CSRNP3: variants seen among roughly 807,000 people sequenced by gnomAD.
CSRNP3 encodes cysteine/serine-rich nuclear protein 3.
A neutral mutation model predicts 48.0 loss-of-function variants in CSRNP3; 12 were observed. That is an observed-to-expected ratio of 0.25 (90% CI 0.16 to 0.41). The LOEUF (loss-of-function observed/expected upper bound fraction) is 0.41, where lower values mean the gene tolerates loss of function less well. Ranked by LOEUF, CSRNP3 falls within the 10% of genes least tolerant of loss-of-function variation. CSRNP3 has a pLI of 1.00. For synonymous variants in CSRNP3, 263 were observed against 269.7 expected (o/e 0.98, Z 0.24); for missense variants, 580 against 724.4 (o/e 0.80, Z 2.29).
In CSRNP3 at chr2:165,679,621, G is replaced by T. The variant is rs1330375207; in HGVS notation, c.1626G>T (p.Gly542=). The change falls in exon 7 of 7, where the codon GGG becomes GGT. Residue 542 remains glycine (G), a synonymous_variant. Coordinates refer to ENST00000651982, the MANE Select transcript of CSRNP3 (RefSeq NM_001172173.2). The stretch of plus-strand genomic sequence containing the variant: ...ACTTGAAAGGCCCCTCCCAAGAAGG[G>T]TTTGTCTCTGCATTGAATGGTGACA... ...HSYLKGPSQE[G]FVSALNGDSH... 1.2e-6 allele frequency: 2 copies of T among 1,614,128 alleles called. No individual in the cohort carries two copies. Among genetic ancestry groups the T allele is most frequent in the Non-Finnish European group, 1.7e-6 (2 of 1,180,014 alleles).
intron 1 of CSRNP3, among the ~76,000 whole-genome samples, chr2:165,485,305 A>G (rs1684098186): frequency 6.6e-6 from 1 of 152,216 alleles, no homozygotes; most frequent in Non-Finnish European, 1.5e-5. Context: ...CCTTGACAGA[A>G]ATTATTTACA....
chr2:165,537,260 G>A (rs989372744), intron 3 of CSRNP3, among the ~76,000 whole-genome samples: 3 of 151,246 alleles, frequency 2.0e-5, no homozygotes, highest in Admixed American at 6.6e-5. Flanking sequence ...AAGGGTGAAA[G>A]AAGCTACTCA....
chr2:165,513,998 C>A (rs1466041520), intron 2 of CSRNP3, among the ~76,000 whole-genome samples: 1 of 152,154 alleles, frequency 6.6e-6, no homozygotes, highest in East Asian at 1.9e-4. Context: ...ATGCACATTT[C>A]TAAATGATGA....
intron 3 of CSRNP3, among the ~76,000 whole-genome samples, chr2:165,552,235 A>T (rs996398521): frequency 3.9e-5 from 6 of 152,232 alleles, no homozygotes; most frequent in Admixed American, 3.3e-4. Flanking sequence ...TAAAGATCTT[A>T]CAGAATTCTC....
At chr2:165,526,902 G>C (rs1471629802) in intron 3 of CSRNP3, among the ~76,000 whole-genome samples, 1 of 152,038 alleles carries the variant, frequency 6.6e-6, no homozygotes, top group Non-Finnish European at 1.5e-5. Context: ...CATGCTCTCT[G>C]ACTTAGGAAT....
intron 3 of CSRNP3, among the ~76,000 whole-genome samples, chr2:165,552,410 G>A (rs1366137496): frequency 2.0e-5 from 3 of 152,186 alleles, no homozygotes; most frequent in African/African-American, 4.8e-5. Context: ...TCAGTATAGG[G>A]TGAGATATAC....
chr2:165,545,228 T>G (rs1488921936), intron 3 of CSRNP3, among the ~76,000 whole-genome samples: 1 of 151,904 alleles, frequency 6.6e-6, no homozygotes, highest in Non-Finnish European at 1.5e-5. Context: ...AGATTTAGAG[T>G]GTGTATAAAC....
At chr2:165,604,178 C>T (rs977567259) in intron 4 of CSRNP3, among the ~76,000 whole-genome samples, 4 of 152,146 alleles carry the variant, frequency 2.6e-5, no homozygotes, top group African/African-American at 9.7e-5. Flanking sequence ...CAGAAACTCA[C>T]GATCTAACAG....
chr2:165,654,411 A>T (rs1686968648), intron 4 of CSRNP3, among the ~76,000 whole-genome samples: 1 of 152,220 alleles, frequency 6.6e-6, no homozygotes. Context: ...ATGGAAGATT[A>T]TGCACAAGTT....
chr2:165,631,037 A>T (rs1217930109), intron 4 of CSRNP3, among the ~76,000 whole-genome samples: 1 of 152,222 alleles, frequency 6.6e-6, no homozygotes, highest in African/African-American at 2.4e-5. Flanking sequence ...CACACTAAAC[A>T]TTATATAACA....
chr2:165,490,448 C>A (rs1684188254), intron 1 of CSRNP3, among the ~76,000 whole-genome samples: 1 of 127,520 alleles, frequency 7.8e-6, no homozygotes, highest in Admixed American at 8.1e-5. Flanking sequence ...GAAAAAACTA[C>A]TTTAAAGTTC....
rs1397962209 is a variant in CSRNP3 at position 165,520,812 on chromosome 2, T to G, written c.-24+2851T>G. 1.2e-4 allele frequency among the ~76,000 whole-genome samples: 8 copies of G among 64,948 alleles called. 2 individuals carry two copies. The highest frequency in any genetic ancestry group is 4.3e-4 in the East Asian group (1 of 2,316). 42.6% of individuals were successfully genotyped at this position (64,948 alleles called of 152,430 possible). ...ATATATATATATATATATATATATA[T>G]ATATATATATATATACATATTTTTT... On this transcript the variant is annotated intron_variant, in intron 3 of 6. Coordinates refer to ENST00000651982, the MANE Select transcript of CSRNP3 (RefSeq NM_001172173.2).
At position 165,487,975 on chromosome 2, in the gene CSRNP3, T is replaced by G. The variant is rs1368886606; in HGVS notation, c.-282-6784T>G. Among the ~76,000 whole-genome samples, 212 of 133,500 alleles carry G rather than the reference T, an allele frequency of 1.6e-3. 1 individual carries two copies. The highest frequency in any genetic ancestry group is 3.8e-3 in the Middle Eastern group (1 of 266). 87.6% of individuals were successfully genotyped at this position (133,500 alleles called of 152,430 possible). ...AACTTTAAATGTAAATGGACTAAAT[T>G]CTCCAATTAAAAGACACAGACTGGC... On this transcript the variant is annotated intron_variant, in intron 1 of 6. Coordinates refer to ENST00000651982, the MANE Select transcript of CSRNP3 (RefSeq NM_001172173.2).
At chr2:165,494,301 C>A (rs1156409594) in intron 1 of CSRNP3, among the ~76,000 whole-genome samples, 2 of 151,938 alleles carry the variant, frequency 1.3e-5, no homozygotes, top group Non-Finnish European at 2.9e-5. Context: ...AAAATAGATG[C>A]CCTTATACCT....
chr2:165,505,172 T>C (rs1369685433), intron 2 of CSRNP3, among the ~76,000 whole-genome samples: 2 of 152,126 alleles, frequency 1.3e-5, no homozygotes, highest in Non-Finnish European at 2.9e-5. Flanking sequence ...TTCTCAGTTT[T>C]GGGAAGTCAA....
intron 3 of CSRNP3, among the ~76,000 whole-genome samples, chr2:165,522,107 A>G (rs192586859): frequency 3.9e-5 from 6 of 152,206 alleles, no homozygotes; most frequent in Admixed American, 2.0e-4. Flanking sequence ...CCTGGGCAAC[A>G]TGGCAAAGCC....
chr2:165,519,592 C>T lies in CSRNP3; in HGVS notation c.-24+1631C>T, dbSNP rs374625114. Reference sequence around the variant, plus strand: ...AAAAATCAGTGAAGAGATCCCTTGCCTCATTGTGCCATTAGAGAAGCAGCT... The same window carrying T: ...AAAAATCAGTGAAGAGATCCCTTGCTTCATTGTGCCATTAGAGAAGCAGCT... On this transcript the variant is annotated intron_variant, in intron 3 of 6. Transcript: ENST00000651982. Among the ~76,000 whole-genome samples the T allele has an allele frequency of 2.6e-5, 4 of 152,198 alleles. No homozygotes were observed. The South Asian group carries it at 6.2e-4, about 24-fold the overall frequency.
rs1445379146 is a variant in CSRNP3 at position 165,680,664 on chromosome 2, G to A, written c.*911G>A. The A allele has an allele frequency of 6.6e-6, 1 of 152,140 alleles. No individual in the cohort carries two copies. Among genetic ancestry groups the A allele is most frequent in the African/African-American group, 2.4e-5 (1 of 41,258 alleles). The allele number at this position is 152,140 out of a possible 1,614,324, so 9.4% of individuals were successfully genotyped here. A position where few individuals can be genotyped will look rare whatever the true frequency, so the allele number is the denominator to read the frequency against. ...TTCACGGTACCTCGTGTGGGGTGGGGACTGAGAACTCTTTGAGATGAAAAA... is the reference window on the plus strand; with the variant it reads ...TTCACGGTACCTCGTGTGGGGTGGGAACTGAGAACTCTTTGAGATGAAAAA... On this transcript the variant is annotated 3_prime_UTR_variant, in exon 7 of 7. Transcript: ENST00000651982.
intron 3 of CSRNP3, among the ~76,000 whole-genome samples, chr2:165,533,279 A>T (rs995496625): frequency 7.9e-5 from 12 of 152,124 alleles, no homozygotes; most frequent in Admixed American, 2.6e-4. Context: ...ATATGGCATG[A>T]ATAACAGTTG....
Sources: gnomAD v4.1 joint callset for allele counts (sites outside exome capture counted in the v4.1 genomes callset) on GRCh38, gnomAD v4.1.1 for gene constraint, MANE v1.5 for transcripts, NCBI Gene and HGNC (gene_info 2026-07-23, HGNC 2026-07-21) for gene names.